TTLL6: variants seen among roughly 807,000 people sequenced by gnomAD.
TTLL6 encodes the protein tubulin tyrosine ligase like 6.
A neutral mutation model predicts 96.4 loss-of-function variants in TTLL6; 75 were observed. That is an observed-to-expected ratio of 0.78 (90% CI 0.65 to 0.94). TTLL6 has a LOEUF of 0.94. Ranked by LOEUF, TTLL6 falls within the 40% of genes least tolerant of loss-of-function variation. The probability of loss-of-function intolerance (pLI) is 0.00; values close to 1 mark genes in which losing one functional copy is unlikely to be tolerated. For missense variants in TTLL6, 1,030 were observed against 1,093.0 expected, an observed-to-expected ratio of 0.94 and a Z score of 0.81; for synonymous variants, 411 against 419.4, an observed-to-expected ratio of 0.98 and a Z score of 0.24.
intron 12 of TTLL6, among the ~76,000 whole-genome samples, chr17:48,785,864 C>T (rs1029776029): frequency 1.2e-4 from 19 of 152,288 alleles, no homozygotes; most frequent in African/African-American, 4.3e-4. Context: ...GAAGCCCGCT[C>T]CCTAAATAAG....
chr17:48,791,816 G>A (rs746274541), intron 8 of TTLL6, among the ~76,000 whole-genome samples: 2 of 152,204 alleles, frequency 1.3e-5, no homozygotes, highest in African/African-American at 2.4e-5. Flanking sequence ...CAGAGCCCCA[G>A]GGTGGGTGCA....
In TTLL6 at chr17:48,769,221, C is replaced by G; in HGVS notation, c.2444G>C (p.Arg815Pro). ...CCTCTTCTCGCCAGAGCTGTCACTGCGGGAGTGGCACTCCCCAGGCAGGGA... is the reference window on the plus strand; with the variant it reads ...CCTCTTCTCGCCAGAGCTGTCACTGGGGGAGTGGCACTCCCCAGGCAGGGA... ...NPSLPGECHS[R>P]SDSSGEKRQL... The change falls in exon 15 of 16, where the codon CGC (arginine) becomes CCC (proline). Residue 815 changes from arginine to proline, a missense_variant. Arg to Pro is a moderately radical substitution (Grantham distance 103, BLOSUM62 -2). Coordinates refer to ENST00000393382, the MANE Select transcript of TTLL6 (RefSeq NM_001130918.3). The G allele has an allele frequency of 6.2e-7, 1 of 1,610,202 alleles. No homozygotes were observed. The highest frequency in any genetic ancestry group is 1.1e-5 in the South Asian group (1 of 90,930).
At chr17:48,799,454 G>T in intron 6 of TTLL6, 150 bp downstream of exon 6, 1 of 769,580 alleles carries the variant, frequency 1.3e-6, no homozygotes, top group Non-Finnish European at 2.1e-6. Context: ...ACCCCGGTCA[G>T]AACGTTTGGT....
intron 1 of TTLL6, among the ~76,000 whole-genome samples, 171 bp downstream of exon 1, chr17:48,816,799 C>A (rs1221677557): frequency 6.6e-6 from 1 of 152,112 alleles, no homozygotes; most frequent in Non-Finnish European, 1.5e-5. Flanking sequence ...AGCCGAGGGA[C>A]CGTGAGGGTG....
intron 13 of TTLL6, among the ~76,000 whole-genome samples, chr17:48,771,188 A>G (rs1192086252): frequency 6.6e-6 from 1 of 152,158 alleles, no homozygotes; most frequent in Non-Finnish European, 1.5e-5. Flanking sequence ...GATAAACTAC[A>G]CATGCTGGGG....
intron 15 of TTLL6, among the ~76,000 whole-genome samples, chr17:48,767,016 T>G (rs879767448): frequency 4.6e-5 from 7 of 152,200 alleles, no homozygotes; most frequent in South Asian, 2.1e-4. Flanking sequence ...TGGCGTGATC[T>G]CGGCTCACCA....
At chr17:48,766,931 GTTGTTTTGTT>G (rs10606369) in intron 15 of TTLL6, among the ~76,000 whole-genome samples, 5 of 150,986 alleles carry the variant, frequency 3.3e-5, no homozygotes, top group African/African-American at 1.2e-4. Flanking sequence ...TTTTGTTGTT[GTTGTTTTGTT>G]TTGTTTTGTT....
At position 48,784,984 on chromosome 17, in the gene TTLL6, G is replaced by A; in HGVS notation, c.1979C>T (p.Pro660Leu). 1.2e-6 allele frequency: 2 copies of A among 1,614,188 alleles called. No individual in the cohort carries two copies. Among genetic ancestry groups the A allele is most frequent in the Non-Finnish European group, 1.7e-6 (2 of 1,180,026 alleles). The change falls in exon 13 of 16, where the codon CCC (proline) becomes CTC (leucine). Residue 660 changes from proline (P) to leucine (L), a missense_variant. Coordinates refer to ENST00000393382, the MANE Select transcript of TTLL6 (RefSeq NM_001130918.3). Reference sequence around the variant, plus strand: ...CTTGGCCTCCTTGATGCTGAAGTTGGGTTTACTGGGCTCCAACTTCGAGCT... The same window carrying A: ...CTTGGCCTCCTTGATGCTGAAGTTGAGTTTACTGGGCTCCAACTTCGAGCT... ...LSSSKLEPSK[P>L]NFSIKEAKSA...
intron 11 of TTLL6, 39 bp downstream of exon 11, chr17:48,787,772 A>G (rs754197678): frequency 6.3e-7 from 1 of 1,584,250 alleles, no homozygotes; most frequent in Non-Finnish European, 8.6e-7. Context: ...CACAATCCCC[A>G]GAACCCCTCC....
intron 10 of TTLL6, among the ~76,000 whole-genome samples, chr17:48,788,568 G>A (rs2039154787): frequency 6.6e-6 from 1 of 152,142 alleles, no homozygotes; most frequent in African/African-American, 2.4e-5. Flanking sequence ...CCCTTAACCT[G>A]ACAGCTGCTC....
intron 13 of TTLL6, among the ~76,000 whole-genome samples, chr17:48,781,497 T>C (rs765204036): frequency 1.3e-5 from 2 of 152,188 alleles, no homozygotes; most frequent in Non-Finnish European, 2.9e-5. Flanking sequence ...GTAATGACCA[T>C]CCTAACAGCT....
intron 13 of TTLL6, among the ~76,000 whole-genome samples, chr17:48,776,834 C>T (rs1057431608): frequency 6.6e-6 from 1 of 151,946 alleles, no homozygotes; most frequent in Admixed American, 6.6e-5. Flanking sequence ...TCCCAGTGTG[C>T]TTTTTTTGCA....
Position 48,796,488 on chromosome 17 carries a change from G to A in TTLL6, c.913-342C>T, listed in dbSNP as rs542499780. Among the ~76,000 whole-genome samples the A allele has an allele frequency of 4.6e-5, 7 of 152,104 alleles. No individual in the cohort carries two copies. The South Asian group carries it at 1.5e-3, about 32-fold the overall frequency. On this transcript the variant is annotated intron_variant, in intron 7 of 15. Coordinates refer to ENST00000393382, the MANE Select transcript of TTLL6 (RefSeq NM_001130918.3). ...TACAAAAATTAGCCGGGGATGTGGTGCACACCTGTAATCCCAGCTACTTAG... is the reference window on the plus strand; with the variant it reads ...TACAAAAATTAGCCGGGGATGTGGTACACACCTGTAATCCCAGCTACTTAG...
Position 48,797,033 on chromosome 17 carries a change from G to A in TTLL6, c.912+28C>T, listed in dbSNP as rs1034244692. On this transcript the variant is annotated intron_variant, in intron 7 of 15. Coordinates refer to ENST00000393382, the MANE Select transcript of TTLL6 (RefSeq NM_001130918.3). ...TTTTTTAATCACGCTATGGGGGTAGGGTGAGGTAGTGTGTCTCCTTAGCTC... is the reference window on the plus strand; with the variant it reads ...TTTTTTAATCACGCTATGGGGGTAGAGTGAGGTAGTGTGTCTCCTTAGCTC... The A allele has an allele frequency of 2.7e-5, 41 of 1,545,386 alleles. No individual in the cohort carries two copies. In the Admixed American group the frequency reaches 8.0e-4, roughly 30 times the overall value.
chr17:48,791,620 G>A lies in TTLL6; in HGVS notation c.999-17C>T, dbSNP rs1326316971. On this transcript the variant is annotated splice_polypyrimidine_tract_variant and intron_variant, in intron 8 of 15. Transcript: ENST00000393382. ...GAGAGCTTCCTGGAAGGGAACCACA[G>A]GCCAGGAGGCAGTGTAGCTGGCTTC... 13 of 1,592,896 alleles carry A rather than the reference G, an allele frequency of 8.2e-6. No homozygotes were observed. The highest frequency in any genetic ancestry group is 1.0e-5 in the Non-Finnish European group (12 of 1,165,060).
At chr17:48,783,506 A>G (rs1160108761) in intron 13 of TTLL6, among the ~76,000 whole-genome samples, 1 of 151,588 alleles carries the variant, frequency 6.6e-6, no homozygotes, top group African/African-American at 2.4e-5. Flanking sequence ...ATCTGGGCTC[A>G]CTGCAACCTC....
intron 11 of TTLL6, 34 bp downstream of exon 11, chr17:48,787,775 ACC>A (rs776544413): frequency 6.3e-7 from 1 of 1,587,170 alleles, no homozygotes; most frequent in Non-Finnish European, 8.6e-7. Flanking sequence ...AATCCCCAGA[ACC>A]CCTCCACCGA....
chr17:48,796,945 G>T, intron 7 of TTLL6, 116 bp downstream of exon 7: 1 of 1,211,678 alleles, frequency 8.3e-7, no homozygotes, highest in Non-Finnish European at 1.1e-6. Flanking sequence ...CCGGCACATA[G>T]CAAGTGCTCA....
intron 8 of TTLL6, among the ~76,000 whole-genome samples, chr17:48,795,479 C>A (rs146671204): frequency 9.8e-4 from 149 of 152,256 alleles, no homozygotes; most frequent in South Asian, 5.0e-3. Context: ...ATTCTTCAGT[C>A]CCCCGTTTTC....
Sources: allele counts gnomAD v4.1 joint callset (sites outside exome capture counted in the v4.1 genomes callset), GRCh38; gene constraint gnomAD v4.1.1; transcripts MANE v1.5; gene names NCBI Gene and HGNC (gene_info 2026-07-23, HGNC 2026-07-21).